The following SOX3 variants were observed in gnomAD, a reference collection of about 807,000 sequenced individuals.
SOX3 encodes SRY-box transcription factor 3, also known as transcription factor SOX-3.
SOX3 carries 2 observed loss-of-function variants against 4.6 expected under a neutral mutation model. The observed-to-expected ratio is 0.43, with a 90% CI of 0.18 to 1.36. SOX3 has a LOEUF of 1.36. Among genes scored for constraint, SOX3 ranks in the 40% most tolerant of loss-of-function variants. SOX3 has a pLI of 0.28. For missense variants in SOX3, 326 were observed against 441.9 expected (o/e 0.74, Z 2.35); for synonymous variants, 244 against 215.9 (o/e 1.13, Z -1.14).
chrX:140,503,622 C>T lies in SOX3; in HGVS notation c.*98G>A. 2 of 917,081 alleles carry T rather than the reference C, an allele frequency of 2.2e-6. No homozygotes were observed. The highest frequency in any genetic ancestry group is 2.9e-6 in the Non-Finnish European group (2 of 681,685). 75.6% of individuals were successfully genotyped at this position (917,081 alleles called of 1,213,427 possible). The stretch of plus-strand genomic sequence containing the variant: ...CATCATCGGTACAAGGCAACAGTCC[C>T]AGGCAAGCAAAGCTAAACAAGGCGT... On this transcript the variant is annotated 3_prime_UTR_variant, in exon 1 of 1. Coordinates refer to ENST00000370536, the MANE Select transcript of SOX3 (RefSeq NM_005634.3).
rs112277594 is a variant in SOX3, at chrX:140,504,895, G to C, written c.166C>G (p.Pro56Ala). 1.7e-6 allele frequency: 2 copies of C among 1,177,753 alleles called. No individual in the cohort carries two copies. Among genetic ancestry groups the C allele is most frequent in the Non-Finnish European group, 2.3e-6 (2 of 878,620 alleles). ...GGAGGAGAAGGCGCTCCCGGGGCTG[G>C]AGCGGCCACGGTGAAAAGGCCCTGG... ...ESQGLFTVAA[P>A]APGAPSPPAT... Residue 56 changes from proline (P) to alanine (A), a missense_variant, in exon 1 of 1, where the codon CCA becomes GCA. By Grantham distance (27) the Pro-to-Ala change is conservative. Coordinates refer to ENST00000370536, the MANE Select transcript of SOX3 (RefSeq NM_005634.3).
Position 140,503,508 on chromosome X carries a change from G to A in SOX3, c.*212C>T, listed in dbSNP as rs1360828476. On this transcript the variant is annotated 3_prime_UTR_variant, in exon 1 of 1. Transcript: ENST00000370536. ...AGGAGCAGCGGCGTGGGGCAAGAGA[G>A]CTCTCTAGAAGTCCCATTTTCGCTG... is the stretch of plus-strand genomic sequence containing the variant. 3 of 382,268 alleles carry A rather than the reference G, an allele frequency of 7.8e-6. No homozygotes were observed. The highest frequency in any genetic ancestry group is 9.0e-6 in the Non-Finnish European group (2 of 221,523). The allele number at this position is 382,268 out of a possible 1,213,427, so 31.5% of individuals were successfully genotyped here. A position where few individuals can be genotyped will look rare whatever the true frequency, so the allele number is the denominator to read the frequency against.
Position 140,504,105 on chromosome X carries a change from C to A in SOX3, c.956G>T (p.Ser319Ile). 9.8e-7 allele frequency: 1 copy of A among 1,023,510 alleles called. No individual in the cohort carries two copies. The allele number at this position is 1,023,510 out of a possible 1,213,427, so 84.3% of individuals were successfully genotyped here. A position where few individuals can be genotyped will look rare whatever the true frequency, so the allele number is the denominator to read the frequency against. The change falls in exon 1 of 1, where the codon AGC becomes ATC. Residue 319 changes from serine (S) to isoleucine (I), a missense_variant. Ser to Ile is a moderately radical substitution (Grantham distance 142). Around this residue, in one of 6 missense-constraint regions of SOX3, gnomAD observed 78 missense variants for 70.3 expected, o/e 1.11. Transcript: ENST00000370536. Reference protein sequence around the residue: ...YSPMMPPGAQSYMNVAAAAAA... With the variant: ...YSPMMPPGAQIYMNVAAAAAA... ...GGCCGCGGCAGCGACGTTCATGTAG[C>A]TCTGAGCGCCGGGCGGCATCATTGG...
Position 140,505,046 on chromosome X carries a change from T to C in SOX3, c.15A>G (p.Arg5=), listed in dbSNP as rs750176690. 8.3e-7 allele frequency: 1 copy of C among 1,205,342 alleles called. No individual in the cohort carries two copies. Among genetic ancestry groups the C allele is most frequent in the Non-Finnish European group, 1.1e-6 (1 of 892,478 alleles). MRPV[R]ENSSGARSPR... ...GGCTTCTCGCACCTGATGAGTTCTC[T>C]CGAACAGGTCGCATTCACAGTCTGC... Residue 5 remains arginine (R), a synonymous_variant, in exon 1 of 1, where the codon CGA becomes CGG. Coordinates refer to ENST00000370536, the MANE Select transcript of SOX3 (RefSeq NM_005634.3).
rs1408757629 is a variant in SOX3 at position 140,504,272 on chromosome X, G to T, written c.789C>A (p.His263Gln). The change falls in exon 1 of 1, where the codon CAC becomes CAA. Residue 263 changes from histidine to glutamine, a missense_variant. Physicochemically the swap from His to Gln is conservative, Grantham distance 24. Transcript: ENST00000370536. ...GVGQRLDTYTHVNGWANGAYS... is the reference protein window; with the variant it reads ...GVGQRLDTYTQVNGWANGAYS... ...ACGCGCCGTTGGCCCAGCCGTTCAC[G>T]TGCGTGTACGTGTCCAGGCGCTGGC... is the stretch of plus-strand genomic sequence containing the variant. The T allele has an allele frequency of 1.8e-6, 2 of 1,103,145 alleles. No individual in the cohort carries two copies. 90.9% of individuals were successfully genotyped at this position (1,103,145 alleles called of 1,213,427 possible). A position where few individuals can be genotyped will look rare whatever the true frequency, so the allele number is the denominator to read the frequency against.
In SOX3 at chrX:140,503,592, C is replaced by G; in HGVS notation, c.*128G>C. The G allele has an allele frequency of 1.4e-6, 1 of 717,774 alleles. No individual in the cohort carries two copies. Among genetic ancestry groups the G allele is most frequent in the African/African-American group, 2.2e-5 (1 of 45,862 alleles). 59.2% of individuals were successfully genotyped at this position (717,774 alleles called of 1,213,427 possible). On this transcript the variant is annotated 3_prime_UTR_variant, in exon 1 of 1. Coordinates refer to ENST00000370536, the MANE Select transcript of SOX3 (RefSeq NM_005634.3). ...GACAGCTACAGCAAAACTTTCAGCC[C>G]TCCCCATCATCGGTACAAGGCAACA...
At position 140,503,491 on chromosome X, in the gene SOX3, C is replaced by A. The variant is rs2148334200; in HGVS notation, c.*229G>T. ...CAGCCTACAAAGGTGAAAGGAGCAGCGGCGTGGGGCAAGAGAGCTCTCTAG... is the reference window on the plus strand; with the variant it reads ...CAGCCTACAAAGGTGAAAGGAGCAGAGGCGTGGGGCAAGAGAGCTCTCTAG... On this transcript the variant is annotated 3_prime_UTR_variant, in exon 1 of 1. Transcript: ENST00000370536. 2.8e-6 allele frequency: 1 copy of A among 356,121 alleles called. No individual in the cohort carries two copies. Among genetic ancestry groups the A allele is most frequent in the East Asian group, 4.3e-5 (1 of 23,218 alleles). 29.3% of individuals were successfully genotyped at this position (356,121 alleles called of 1,213,427 possible). A position where few individuals can be genotyped will look rare whatever the true frequency, so the allele number is the denominator to read the frequency against.
In SOX3 at chrX:140,504,184, G is replaced by A; in HGVS notation, c.877C>T (p.Pro293Ser). The change falls in exon 1 of 1, where the codon CCG becomes TCG. Residue 293 changes from proline to serine, a missense_variant. Pro to Ser is a moderately conservative substitution (Grantham distance 74, BLOSUM62 -1). Coordinates refer to ENST00000370536, the MANE Select transcript of SOX3 (RefSeq NM_005634.3). ...QPPSMSSPPP[P>S]PALPPMHRYD... Reference sequence around the variant, plus strand: ...CGGTGCATCGGCGGCAGCGCGGGCGGCGGCGGCGGGCTGCTCATGCTCGGG... The same window carrying A: ...CGGTGCATCGGCGGCAGCGCGGGCGACGGCGGCGGGCTGCTCATGCTCGGG... 1 of 1,083,234 alleles carries A rather than the reference G, an allele frequency of 9.2e-7. No individual in the cohort carries two copies. The highest frequency in any genetic ancestry group is 1.2e-6 in the Non-Finnish European group (1 of 836,453). 89.3% of individuals were successfully genotyped at this position (1,083,234 alleles called of 1,213,427 possible).
rs1453045736 is a variant in SOX3, at chrX:140,504,920, G to GGA, written c.139_140dup (p.Gln48ProfsTer42). The GGA allele has an allele frequency of 8.4e-7, 1 of 1,191,878 alleles. No homozygotes were observed. Among genetic ancestry groups the GGA allele is most frequent in the South Asian group, 1.8e-5 (1 of 54,432 alleles). ...GAGCGGCCACGGTGAAAAGGCCCTG[G>GGA]GACTCCGTCGGAGCGGAGCTTGGGG... On this transcript the variant is annotated frameshift_variant, in exon 1 of 1. Coordinates refer to ENST00000370536, the MANE Select transcript of SOX3 (RefSeq NM_005634.3). LOFTEE classifies it high-confidence loss of function.
At position 140,503,648 on chromosome X, in the gene SOX3, C is replaced by T. The variant is rs1245384469; in HGVS notation, c.*72G>A. ...AGGCAAGCAAAGCTAAACAAGGCGT[C>T]CCAACTTGGGGGTGCGGGGCGGGAG... On this transcript the variant is annotated 3_prime_UTR_variant, in exon 1 of 1. Coordinates refer to ENST00000370536, the MANE Select transcript of SOX3 (RefSeq NM_005634.3). The T allele has an allele frequency of 6.2e-5, 65 of 1,054,000 alleles. No individual in the cohort carries two copies. In the Admixed American group the frequency reaches 1.2e-3, roughly 19 times the overall value. The allele number at this position is 1,054,000 out of a possible 1,213,427, so 86.9% of individuals were successfully genotyped here.
In SOX3 at chrX:140,503,447, C is replaced by T. The variant is rs749839081; in HGVS notation, c.*273G>A. ...AGGAGTGGGGGCTGTTTTTTCTTTG[C>T]AAATAACACAGCGATTCCCAGCCTA... On this transcript the variant is annotated 3_prime_UTR_variant, in exon 1 of 1. Coordinates refer to ENST00000370536, the MANE Select transcript of SOX3 (RefSeq NM_005634.3). 3.8e-4 allele frequency: 112 copies of T among 296,755 alleles called. No individual in the cohort carries two copies. The highest frequency in any genetic ancestry group is 4.1e-4 in the Non-Finnish European group (69 of 169,303). The allele number at this position is 296,755 out of a possible 1,213,427, so 24.5% of individuals were successfully genotyped here. A position where few individuals can be genotyped will look rare whatever the true frequency, so the allele number is the denominator to read the frequency against.
rs557384424 is a variant in SOX3, at chrX:140,504,308, C to G, written c.753G>C (p.Pro251=). The G allele has an allele frequency of 9.5e-4, 1,004 of 1,058,852 alleles. 12 individuals are homozygous for G. The South Asian group carries it at 0.026, about 27-fold the overall frequency. The allele number at this position is 1,058,852 out of a possible 1,213,427, so 87.3% of individuals were successfully genotyped here. The change falls in exon 1 of 1, where the codon CCG becomes CCC. Residue 251 remains proline (P), a synonymous_variant. Coordinates refer to ENST00000370536, the MANE Select transcript of SOX3 (RefSeq NM_005634.3). The stretch of plus-strand genomic sequence containing the variant: ...TGTCCAGGCGCTGGCCCACGCCCAC[C>G]GGACTGCTGGCGGCAGCGGCTGCGG... The part of the protein sequence containing the change: ...AAAAAAAASS[P]VGVGQRLDTY...
rs1481365177 is a variant in SOX3, at chrX:140,504,544, A to G, written c.517T>C (p.Leu173=). 8.3e-7 allele frequency: 1 copy of G among 1,210,154 alleles called. No individual in the cohort carries two copies. Among genetic ancestry groups the G allele is most frequent in the Admixed American group, 2.2e-5 (1 of 45,939 alleles). The change falls in exon 1 of 1, where the codon TTG becomes CTG. Residue 173 remains leucine (L), a synonymous_variant. Coordinates refer to ENST00000370536, the MANE Select transcript of SOX3 (RefSeq NM_005634.3). The part of the protein sequence containing the change: ...KMHNSEISKR[L]GADWKLLTDA... ...GTCAGCAGTTTCCAGTCGGCGCCCA[A>G]GCGCTTGCTGATCTCAGAATTGTGC...
At position 140,504,323 on chromosome X, in the gene SOX3, AGCGGCT is replaced by A. The variant is rs1556518179; in HGVS notation, c.732_737del (p.Ala247_Ala248del). 3.3e-5 allele frequency: 35 copies of A among 1,045,166 alleles called. No individual in the cohort carries two copies. Among genetic ancestry groups the A allele is most frequent in the Non-Finnish European group, 4.1e-5 (34 of 820,348 alleles). 86.1% of individuals were successfully genotyped at this position (1,045,166 alleles called of 1,213,427 possible). A position where few individuals can be genotyped will look rare whatever the true frequency, so the allele number is the denominator to read the frequency against. On this transcript the variant is annotated inframe_deletion, in exon 1 of 1. Transcript: ENST00000370536. ...CCACGCCCACCGGACTGCTGGCGGC[AGCGGCT>A]GCGGCCGCGGCAGCGGCGGCGGCGG... is the stretch of plus-strand genomic sequence containing the variant.
In SOX3 at chrX:140,503,290, G is replaced by C. The variant is rs978748995; in HGVS notation, c.*430C>G. The C allele has an allele frequency of 8.7e-6, 1 of 114,651 alleles. No individual in the cohort carries two copies. Among genetic ancestry groups the C allele is most frequent in the Non-Finnish European group, 1.8e-5 (1 of 55,314 alleles). The allele number at this position is 114,651 out of a possible 1,213,427, so 9.4% of individuals were successfully genotyped here. A position where few individuals can be genotyped will look rare whatever the true frequency, so the allele number is the denominator to read the frequency against. The stretch of plus-strand genomic sequence containing the variant: ...CGAGGAAAACAGACGCGACACGACT[G>C]GGGGCGTAGGCGTTGCAGTTCTCCA... On this transcript the variant is annotated 3_prime_UTR_variant, in exon 1 of 1. Transcript: ENST00000370536.
chrX:140,504,692 G>C lies in SOX3; in HGVS notation c.369C>G (p.Ser123Arg). Residue 123 changes from serine to arginine, a missense_variant, in exon 1 of 1, where the codon AGC (serine) becomes AGG (arginine). Ser to Arg is a moderately radical substitution (Grantham distance 110, BLOSUM62 -1). Around this residue, in one of 6 missense-constraint regions of SOX3, gnomAD observed 64 missense variants for 83.8 expected, o/e 0.76. Transcript: ENST00000370536. ...CGCCACCTCCGCTCGCACCACCGCT[G>C]CTGCCGCCGCCCGAGTTCGCGCCGC... ...AAGGANSGGG[S>R]SGGASGGGGG... is the part of the protein sequence containing the mutation. 8.3e-7 allele frequency: 1 copy of C among 1,206,230 alleles called. No individual in the cohort carries two copies. Among genetic ancestry groups the C allele is most frequent in the Non-Finnish European group, 1.1e-6 (1 of 892,101 alleles).
At position 140,504,317 on chromosome X, in the gene SOX3, GGCGGCAGCGGCTGCGGCCGCGGCA is replaced by G. The variant is rs755923910; in HGVS notation, c.720_743del (p.Ala241_Ala248del). ...GCTGGCCCACGCCCACCGGACTGCTGGCGGCAGCGGCTGCGGCCGCGGCAGCGGCGGCGGCGGCCGCGGCACCGG... is the reference window on the plus strand; with the variant it reads ...GCTGGCCCACGCCCACCGGACTGCTGGCGGCGGCGGCGGCCGCGGCACCGG... On this transcript the variant is annotated inframe_deletion, in exon 1 of 1. Coordinates refer to ENST00000370536, the MANE Select transcript of SOX3 (RefSeq NM_005634.3). The G allele has an allele frequency of 3.5e-5, 37 of 1,053,403 alleles. No individual in the cohort carries two copies. The highest frequency in any genetic ancestry group is 1.3e-5 in the Non-Finnish European group (11 of 824,036). 86.8% of individuals were successfully genotyped at this position (1,053,403 alleles called of 1,213,427 possible).
chrX:140,503,703 C>G lies in SOX3; in HGVS notation c.*17G>C. 8.6e-7 allele frequency: 1 copy of G among 1,161,202 alleles called. No individual in the cohort carries two copies. The highest frequency in any genetic ancestry group is 1.9e-5 in the South Asian group (1 of 51,504). On this transcript the variant is annotated 3_prime_UTR_variant, in exon 1 of 1. Transcript: ENST00000370536. The stretch of plus-strand genomic sequence containing the variant: ...GGTGGGGGTGGGGAACAAGGGTGGA[C>G]GAGCGCAGGCCGGTGCTCAGATGTG...
Position 140,503,582 on chromosome X carries a change from A to G in SOX3, c.*138T>C. Reference sequence around the variant, plus strand: ...TACAAAACCCGACAGCTACAGCAAAACTTTCAGCCCTCCCCATCATCGGTA... The same window carrying G: ...TACAAAACCCGACAGCTACAGCAAAGCTTTCAGCCCTCCCCATCATCGGTA... On this transcript the variant is annotated 3_prime_UTR_variant, in exon 1 of 1. Coordinates refer to ENST00000370536, the MANE Select transcript of SOX3 (RefSeq NM_005634.3). The G allele has an allele frequency of 1.5e-6, 1 of 672,760 alleles. No individual in the cohort carries two copies. The highest frequency in any genetic ancestry group is 3.8e-5 in the East Asian group (1 of 26,460). The allele number at this position is 672,760 out of a possible 1,213,427, so 55.4% of individuals were successfully genotyped here. A position where few individuals can be genotyped will look rare whatever the true frequency, so the allele number is the denominator to read the frequency against.
Sources: allele counts gnomAD v4.1 joint callset, GRCh38; gene constraint gnomAD v4.1.1; regional missense constraint gnomAD v4.1.1; transcripts MANE v1.5; gene names NCBI Gene and HGNC (gene_info 2026-07-23, HGNC 2026-07-21).